CCDC141: variants seen among roughly 807,000 people sequenced by gnomAD.
The protein encoded by CCDC141 is coiled-coil domain containing 141.
CCDC141 carries 168 observed loss-of-function variants against 181.0 expected under a neutral mutation model. The observed-to-expected ratio is 0.93, with a 90% CI of 0.82 to 1.05. The LOEUF (loss-of-function observed/expected upper bound fraction) is 1.05. Ranked by LOEUF, CCDC141 falls within the 50% of genes least tolerant of loss-of-function variation. CCDC141 has a pLI of 0.00. For missense variants in CCDC141, 1,902 were observed against 1,788.5 expected (o/e 1.06, Z -1.14); for synonymous variants, 666 against 642.3 (o/e 1.04, Z -0.56).
intron 2 of CCDC141, among the ~76,000 whole-genome samples, chr2:178,988,392 C>T (rs1342818286): frequency 1.3e-5 from 2 of 151,138 alleles, no homozygotes; most frequent in Admixed American, 1.3e-4. Context: ...GTGGGTGCAG[C>T]ACACCAGCAT....
chr2:178,982,207 C>A (rs75810234), intron 2 of CCDC141, among the ~76,000 whole-genome samples: 1 of 151,978 alleles, frequency 6.6e-6, no homozygotes, highest in Admixed American at 6.6e-5. Flanking sequence ...TGAATTCTAC[C>A]AAATGTTTAA....
intron 11 of CCDC141, among the ~76,000 whole-genome samples, chr2:178,882,878 G>A (rs534790495): frequency 1.3e-5 from 2 of 152,156 alleles, no homozygotes; most frequent in South Asian, 2.1e-4. Flanking sequence ...TTGAGGGGAT[G>A]GAGGATGGAA....
At chr2:179,015,099 TATATAA>T (rs2042412632) in intron 2 of CCDC141, among the ~76,000 whole-genome samples, 1 of 50,534 alleles carries the variant, frequency 2.0e-5, no homozygotes, top group African/African-American at 5.8e-5. Flanking sequence ...TATATATATA[TATATAA>T]TATATATATA....
At chr2:178,930,271 T>C (rs914086765) in intron 6 of CCDC141, among the ~76,000 whole-genome samples, 1 of 151,996 alleles carries the variant, frequency 6.6e-6, no homozygotes, top group African/African-American at 2.4e-5. Flanking sequence ...GGAAAACTTA[T>C]ACAAGGAAAA....
At chr2:178,987,705 AAC>A (rs1389734165) in intron 2 of CCDC141, among the ~76,000 whole-genome samples, 1 of 150,292 alleles carries the variant, frequency 6.7e-6, no homozygotes, top group African/African-American at 2.5e-5. Flanking sequence ...GCAGCCAAAA[AAC>A]ACATGAAAAA....
intron 4 of CCDC141, among the ~76,000 whole-genome samples, chr2:178,963,324 C>A (rs917972855): frequency 6.6e-6 from 1 of 152,066 alleles, no homozygotes; most frequent in Non-Finnish European, 1.5e-5. Context: ...GGGAAGGCAA[C>A]ACTCAGGACA....
At chr2:179,027,649 A>G (rs1349023972) in intron 2 of CCDC141, among the ~76,000 whole-genome samples, 1 of 5,676 alleles carries the variant, frequency 1.8e-4, no homozygotes. Flanking sequence ...TTACTCTCAA[A>G]AAAAAAAAAA....
intron 8 of CCDC141, among the ~76,000 whole-genome samples, chr2:178,903,424 G>A (rs1270946399): frequency 6.6e-6 from 1 of 152,082 alleles, no homozygotes; most frequent in African/African-American, 2.4e-5. Context: ...ATACTATGCA[G>A]TCATAAAAAT....
Position 178,837,553 on chromosome 2 carries a change from G to C in CCDC141, c.3666C>G (p.Ser1222Arg). 1.2e-6 allele frequency: 2 copies of C among 1,613,858 alleles called. No individual in the cohort carries two copies. The highest frequency in any genetic ancestry group is 1.7e-6 in the Non-Finnish European group (2 of 1,179,896). Residue 1222 changes from serine (S) to arginine (R), a missense_variant, in exon 23 of 24, where the codon AGC becomes AGG. By Grantham distance (110) the Ser-to-Arg change is moderately radical (BLOSUM62 -1). Coordinates refer to ENST00000443758, the MANE Select transcript of CCDC141 (RefSeq NM_173648.4). Reference protein sequence around the residue: ...DDISLPPLPGSPESPLAPSDM... With the variant: ...DDISLPPLPGRPESPLAPSDM... ...CAGATGGTGCAAGAGGGGACTCAGG[G>C]CTTCCTGGGAGAGGAGGCAAGGAGA...
chr2:178,996,824 C>T (rs1419382275), intron 2 of CCDC141, among the ~76,000 whole-genome samples: 1 of 152,142 alleles, frequency 6.6e-6, no homozygotes, highest in Non-Finnish European at 1.5e-5. Flanking sequence ...GGTATTTTCT[C>T]GAAGAAAGTC....
chr2:178,958,942 A>T (rs952045346), intron 5 of CCDC141, among the ~76,000 whole-genome samples: 8 of 150,032 alleles, frequency 5.3e-5, no homozygotes, highest in African/African-American at 2.0e-4. Flanking sequence ...GTTGAGGTTT[A>T]AAAGATAAAT....
intron 7 of CCDC141, among the ~76,000 whole-genome samples, chr2:178,911,050 C>T (rs536972196): frequency 6.6e-6 from 1 of 152,286 alleles, no homozygotes; most frequent in East Asian, 1.9e-4. Context: ...GTTTTCTTTT[C>T]TCTAAGTTGA....
intron 17 of CCDC141, among the ~76,000 whole-genome samples, chr2:178,862,611 C>A (rs182875998): frequency 3.6e-4 from 55 of 152,180 alleles, no homozygotes; most frequent in Non-Finnish European, 6.6e-4. Context: ...TTCAAGCATA[C>A]AAATGTATCT....
At chr2:178,842,967 G>A (rs532737542) in intron 22 of CCDC141, among the ~76,000 whole-genome samples, 2 of 151,774 alleles carry the variant, frequency 1.3e-5, no homozygotes, top group South Asian at 2.1e-4. Context: ...CAGGATTATT[G>A]TGTGTGTGTG....
At position 178,834,113 on chromosome 2, in the gene CCDC141, A is replaced by G; in HGVS notation, c.*60T>C. 6.7e-7 allele frequency: 1 copy of G among 1,499,060 alleles called. No homozygotes were observed. Among genetic ancestry groups the G allele is most frequent in the South Asian group, 1.2e-5 (1 of 81,498 alleles). The allele number at this position is 1,499,060 out of a possible 1,614,324, so 92.9% of individuals were successfully genotyped here. A position where few individuals can be genotyped will look rare whatever the true frequency, so the allele number is the denominator to read the frequency against. On this transcript the variant is annotated 3_prime_UTR_variant, in exon 24 of 24. Coordinates refer to ENST00000443758, the MANE Select transcript of CCDC141 (RefSeq NM_173648.4). ...TGCTTTGCAGGAGGTGCAGGAAGAT[A>G]AACGGCGGCACTTTTCTTTAGGCAC...
intron 2 of CCDC141, among the ~76,000 whole-genome samples, chr2:179,035,495 A>G (rs925535105): frequency 1.3e-5 from 2 of 152,114 alleles, no homozygotes; most frequent in African/African-American, 4.8e-5. Context: ...TACTTTGTTC[A>G]TGATTCTCAA....
At chr2:178,910,339 C>A (rs1436780988) in intron 7 of CCDC141, among the ~76,000 whole-genome samples, 1 of 152,184 alleles carries the variant, frequency 6.6e-6, no homozygotes, top group South Asian at 2.1e-4. Context: ...ACACGAACAA[C>A]AACAGAAAGA....
At chr2:178,981,737 C>CA (rs1691424013) in intron 2 of CCDC141, among the ~76,000 whole-genome samples, 1 of 142,298 alleles carries the variant, frequency 7.0e-6, no homozygotes, top group Non-Finnish European at 1.5e-5. Flanking sequence ...GAGTTTTTAC[C>CA]ATAGGAACTA....
Position 179,050,121 on chromosome 2 carries a change from G to C in CCDC141, c.-180C>G, listed in dbSNP as rs371016447. On this transcript the variant is annotated 5_prime_UTR_variant, in exon 1 of 24. Coordinates refer to ENST00000443758, the MANE Select transcript of CCDC141 (RefSeq NM_173648.4). The stretch of plus-strand genomic sequence containing the variant: ...AATAGACAACCCCATTGAGTTTATC[G>C]TGAGAGAGAAAGGAGCGAACGAGAG... The C allele has an allele frequency of 3.6e-4, 328 of 912,588 alleles. 2 individuals are homozygous for C. The South Asian group carries it at 6.9e-3, about 19-fold the overall frequency. 56.5% of individuals were successfully genotyped at this position (912,588 alleles called of 1,614,324 possible).
Sources: allele counts gnomAD v4.1 joint callset (sites outside exome capture counted in the v4.1 genomes callset), GRCh38; gene constraint gnomAD v4.1.1; transcripts MANE v1.5; gene names NCBI Gene and HGNC (gene_info 2026-07-23, HGNC 2026-07-21).